Variants in HERC1 observed in about 807,000 individuals in gnomAD.
HERC1 encodes the protein HECT and RLD domain containing E3 ubiquitin protein ligase family member 1.
In HERC1, 160 loss-of-function variants were observed where a neutral mutation model predicts 554.3. The ratio of observed to expected loss-of-function variants is 0.29; its 90% CI spans 0.25 to 0.33. HERC1 has a LOEUF of 0.33. Among genes scored for constraint, HERC1 ranks in the 10% least tolerant of loss-of-function variants. HERC1 has a pLI of 1.00. For synonymous variants in HERC1, 2,175 were observed against 2,131.7 expected, an observed-to-expected ratio of 1.02 and a Z score of -0.56; for missense variants, 4,919 against 5,918.5, an observed-to-expected ratio of 0.83 and a Z score of 5.54.
chr15:63,741,424 A>G (rs1220752726), intron 12 of HERC1, among the ~76,000 whole-genome samples: 1 of 151,732 alleles, frequency 6.6e-6, no homozygotes, highest in Non-Finnish European at 1.5e-5. Context: ...TCCTGGGTTC[A>G]AGCAATTCTC....
chr15:63,751,750 C>T (rs544131920), intron 8 of HERC1, among the ~76,000 whole-genome samples: 1 of 152,162 alleles, frequency 6.6e-6, no homozygotes, highest in Non-Finnish European at 1.5e-5. Flanking sequence ...TATTTGATTT[C>T]ATATAACTTA....
intron 1 of HERC1, among the ~76,000 whole-genome samples, chr15:63,820,031 T>A (rs1004217459): frequency 6.6e-6 from 1 of 152,194 alleles, no homozygotes; most frequent in African/African-American, 2.4e-5. Flanking sequence ...AAGTAATGTA[T>A]ATGTAAATTA....
chr15:63,747,625 A>C, intron 11 of HERC1, 99 bp downstream of exon 11: 1 of 660,626 alleles, frequency 1.5e-6, no homozygotes, highest in East Asian at 3.0e-5. Flanking sequence ...CCAAACAAGA[A>C]AGAACAGTAA....
chr15:63,675,304 G>C, intron 37 of HERC1, 187 bp from the exon 38 acceptor site: 1 of 487,752 alleles, frequency 2.1e-6, no homozygotes, highest in Non-Finnish European at 3.6e-6. Context: ...GGGGAGATGT[G>C]ATACTAAATG....
At position 63,633,900 on chromosome 15, in the gene HERC1, C is replaced by A; in HGVS notation, c.12641G>T (p.Gly4214Val). 1 of 1,613,730 alleles carries A rather than the reference C, an allele frequency of 6.2e-7. No individual in the cohort carries two copies. Among genetic ancestry groups the A allele is most frequent in the Non-Finnish European group, 8.5e-7 (1 of 1,179,754 alleles). ...TCCTAAGCCTAGTTTTCCATAGTCT[C>A]CATCTCCAAAAGCCCACACCATGGA... Reference protein sequence around the residue: ...DGSMVWAFGDGDYGKLGLGNS... With the variant: ...DGSMVWAFGDVDYGKLGLGNS... Residue 4214 changes from glycine (G) to valine (V), a missense_variant, in exon 67 of 78, where the codon GGA (glycine) becomes GTA (valine). Around this residue, in one of 11 missense-constraint regions of HERC1, gnomAD observed 410 missense variants for 467.0 expected, o/e 0.88. Coordinates refer to ENST00000443617, the MANE Select transcript of HERC1 (RefSeq NM_003922.4).
At chr15:63,743,989 G>A (rs1206849647) in intron 12 of HERC1, among the ~76,000 whole-genome samples, 3 of 122,502 alleles carry the variant, frequency 2.4e-5, no homozygotes, top group South Asian at 2.5e-4. Context: ...CTGTATCTAC[G>A]TTGTGGTTCT....
At position 63,674,997 on chromosome 15, in the gene HERC1, T is replaced by C. The variant is rs1193666109; in HGVS notation, c.7191A>G (p.Thr2397=). The C allele has an allele frequency of 5.6e-6, 9 of 1,613,896 alleles. No individual in the cohort carries two copies. Among genetic ancestry groups the C allele is most frequent in the Admixed American group, 5.0e-5 (3 of 60,008 alleles). ...TGTCTTCATGAACGCCAGTGAGATA[T>C]GTTAGGTCCAGCAGCACAGAAGCCG... The part of the protein sequence containing the change: ...GLTASVLLDL[T]YLTGVHEDMG... The change falls in exon 38 of 78, where the codon ACA becomes ACG. Residue 2397 remains threonine (T), a synonymous_variant. Coordinates refer to ENST00000443617, the MANE Select transcript of HERC1 (RefSeq NM_003922.4).
chr15:63,632,643 G>T, intron 68 of HERC1, 66 bp downstream of exon 68: 2 of 1,041,750 alleles, frequency 1.9e-6, no homozygotes, highest in Non-Finnish European at 2.9e-6. Context: ...AGCACATTCT[G>T]TAACACTGGA....
chr15:63,816,750 C>A (rs1434076562), intron 1 of HERC1, among the ~76,000 whole-genome samples: 3 of 152,196 alleles, frequency 2.0e-5, no homozygotes, highest in Non-Finnish European at 4.4e-5. Flanking sequence ...CATACAGTGT[C>A]CTAAACATAC....
At chr15:63,805,080 T>C (rs145056564) in intron 1 of HERC1, among the ~76,000 whole-genome samples, 59 of 152,294 alleles carry the variant, frequency 3.9e-4, no homozygotes, top group African/African-American at 1.3e-3. Context: ...CCTTAGGTAT[T>C]TGCCCAGAAA....
In HERC1 at chr15:63,677,789, G is replaced by A; in HGVS notation, c.7070+56C>T. On this transcript the variant is annotated intron_variant, in intron 37 of 77. Transcript: ENST00000443617. This position sits in a 1 kb window ranked among gnomAD's most constrained non-coding sequence, Gnocchi z 4.4. ...TAATTACTCACTGTCGACAGGCAAT[G>A]GCCTATTTCACCATTAAATATTTGT... is the stretch of plus-strand genomic sequence containing the variant. The A allele has an allele frequency of 6.4e-7, 1 of 1,557,280 alleles. No individual in the cohort carries two copies. The highest frequency in any genetic ancestry group is 8.7e-7 in the Non-Finnish European group (1 of 1,150,300).
At chr15:63,771,452 A>G (rs2075953001) in intron 2 of HERC1, among the ~76,000 whole-genome samples, 1 of 137,614 alleles carries the variant, frequency 7.3e-6, no homozygotes, top group African/African-American at 2.7e-5. Context: ...TTTTTTTTTG[A>G]GACAGTCTTG....
chr15:63,651,122 G>A (rs1462145625), intron 53 of HERC1, 131 bp downstream of exon 53: 6 of 781,044 alleles, frequency 7.7e-6, no homozygotes, highest in Non-Finnish European at 1.2e-5. Context: ...TGCATAGATT[G>A]AAATTTCAGA....
intron 65 of HERC1, among the ~76,000 whole-genome samples, chr15:63,635,282 C>T (rs1319264354): frequency 1.3e-5 from 2 of 152,198 alleles, no homozygotes; most frequent in Non-Finnish European, 2.9e-5. Context: ...CTCCTGGCCT[C>T]AAGCAATCCT....
chr15:63,654,968 G>C (rs2069940008), intron 50 of HERC1, among the ~76,000 whole-genome samples: 1 of 152,198 alleles, frequency 6.6e-6, no homozygotes, highest in Non-Finnish European at 1.5e-5. Context: ...CCAGGATGGA[G>C]ATGGCATGCC....
At chr15:63,725,108 A>C (rs1313047616) in intron 18 of HERC1, among the ~76,000 whole-genome samples, 184 bp downstream of exon 18, 1 of 152,152 alleles carries the variant, frequency 6.6e-6, no homozygotes, top group Non-Finnish European at 1.5e-5. Flanking sequence ...GGCTCTTTTC[A>C]CCATATTGTG....
intron 1 of HERC1, among the ~76,000 whole-genome samples, chr15:63,828,575 G>A (rs2078020647): frequency 6.6e-6 from 1 of 152,096 alleles, no homozygotes; most frequent in Non-Finnish European, 1.5e-5. Flanking sequence ...CCAACCTCAG[G>A]TGATCCGCCC....
intron 74 of HERC1, among the ~76,000 whole-genome samples, chr15:63,619,522 G>C (rs908359077): frequency 6.6e-6 from 1 of 152,222 alleles, no homozygotes; most frequent in Non-Finnish European, 1.5e-5. Context: ...AAATGAGTTA[G>C]GGAGGATTCC....
chr15:63,610,485 T>TATAAGGC (rs1373871612), intron 77 of HERC1, among the ~76,000 whole-genome samples: 1 of 152,182 alleles, frequency 6.6e-6, no homozygotes, highest in Non-Finnish European at 1.5e-5. Flanking sequence ...CCAGGACAGA[T>TATAAGGC]ATAAGGCAAG....
Sources: allele counts gnomAD v4.1 joint callset (sites outside exome capture counted in the v4.1 genomes callset), GRCh38; gene constraint gnomAD v4.1.1; regional missense constraint gnomAD v4.1.1; non-coding constraint Gnocchi (gnomAD v3.1); transcripts MANE v1.5; gene names NCBI Gene and HGNC (gene_info 2026-07-23, HGNC 2026-07-21).